The following ZNF407 variants were observed in gnomAD, a reference collection of about 807,000 sequenced individuals.
The protein encoded by ZNF407 is zinc finger protein 407.
A neutral mutation model predicts 131.2 loss-of-function variants in ZNF407; 17 were observed. The observed-to-expected ratio is 0.13, with a 90% CI of 0.09 to 0.19. ZNF407 has a LOEUF of 0.19. Ranked by LOEUF, ZNF407 falls within the 10% of genes least tolerant of loss-of-function variation. The pLI is 1.00. For missense variants in ZNF407, 2,681 were observed against 2,830.6 expected, an observed-to-expected ratio of 0.95 and a Z score of 1.20; for synonymous variants, 1,156 against 1,062.0, an observed-to-expected ratio of 1.09 and a Z score of -1.72.
At chr18:74,734,671 T>TG in intron 3 of ZNF407, among the ~76,000 whole-genome samples, 1 of 138,974 alleles carries the variant, frequency 7.2e-6, no homozygotes, top group African/African-American at 2.8e-5. Flanking sequence ...GAGTTTCAAT[T>TG]TGTGTGTGTG....
In ZNF407 at chr18:75,034,634, A is replaced by G. The variant is rs531377900; in HGVS notation, c.5429-28516A>G. ...TTTTTTTAAATCAGGCTTCATTGGT[A>G]GGATGTAGTGATTATTGTTTGTGGG... On this transcript the variant is annotated intron_variant, in intron 8 of 8. Coordinates refer to ENST00000299687, the MANE Select transcript of ZNF407 (RefSeq NM_017757.3). 4.0e-5 allele frequency among the ~76,000 whole-genome samples: 6 copies of G among 151,552 alleles called. No homozygotes were observed. The South Asian group carries it at 8.3e-4, about 21-fold the overall frequency.
chr18:74,685,413 T>C (rs1044576389), intron 3 of ZNF407, among the ~76,000 whole-genome samples: 1 of 152,188 alleles, frequency 6.6e-6, no homozygotes, highest in Non-Finnish European at 1.5e-5. Context: ...CTCCTATTAC[T>C]GATATAGGTC....
intron 1 of ZNF407, chr18:74,598,427 C>G (rs950829757): frequency 6.6e-6 from 1 of 152,312 alleles, no homozygotes; most frequent in Admixed American, 6.5e-5. Flanking sequence ...CTCGCGTGCC[C>G]GGGTTGCTCT....
intron 3 of ZNF407, among the ~76,000 whole-genome samples, chr18:74,716,132 A>G (rs1327457856): frequency 6.6e-6 from 1 of 152,236 alleles, no homozygotes; most frequent in Non-Finnish European, 1.5e-5. Flanking sequence ...TGCTGCTCCA[A>G]GCCCTTTTGG....
intron 1 of ZNF407, among the ~76,000 whole-genome samples, chr18:74,600,094 A>G (rs1450974814): frequency 6.6e-6 from 1 of 152,230 alleles, no homozygotes; most frequent in Non-Finnish European, 1.5e-5. Flanking sequence ...GCAAATGCGC[A>G]TTGGCAGTGC....
chr18:74,699,413 G>A (rs1967439937), intron 3 of ZNF407, among the ~76,000 whole-genome samples: 1 of 152,176 alleles, frequency 6.6e-6, no homozygotes, highest in Admixed American at 6.5e-5. Flanking sequence ...TCTGATAACT[G>A]AAGGGTACTT....
chr18:74,842,585 A>T (rs1182567673), intron 4 of ZNF407, among the ~76,000 whole-genome samples: 1 of 119,084 alleles, frequency 8.4e-6, no homozygotes, highest in African/African-American at 3.2e-5. Context: ...TGACCCTGGA[A>T]GTTTTTCCCT....
At chr18:74,902,552 A>G (rs1971541661) in intron 7 of ZNF407, among the ~76,000 whole-genome samples, 1 of 152,216 alleles carries the variant, frequency 6.6e-6, no homozygotes, top group South Asian at 2.1e-4. Context: ...AATGGGTTAC[A>G]TGGAGCATTT....
At chr18:74,917,560 C>G (rs1971790169) in intron 7 of ZNF407, among the ~76,000 whole-genome samples, 1 of 152,074 alleles carries the variant, frequency 6.6e-6, no homozygotes, top group Non-Finnish European at 1.5e-5. Flanking sequence ...TACGTCTTAC[C>G]TATTTCAGTA....
At position 74,675,887 on chromosome 18, in the gene ZNF407, C is replaced by T. The variant is rs751673692; in HGVS notation, c.4802+34765C>T. ...TCTGTAGACCTTTCAAACCTATAGA[C>T]GTTTAAAGCCTTCATTGTTGTTGTT... On this transcript the variant is annotated intron_variant, in intron 3 of 8. Coordinates refer to ENST00000299687, the MANE Select transcript of ZNF407 (RefSeq NM_017757.3). Among the ~76,000 whole-genome samples, 70 of 152,178 alleles carry T rather than the reference C, an allele frequency of 4.6e-4. 2 individuals carry two copies. The highest frequency in any genetic ancestry group is 6.2e-4 in the South Asian group (3 of 4,822).
intron 3 of ZNF407, among the ~76,000 whole-genome samples, chr18:74,662,040 ATT>A (rs80024495): frequency 2.2e-5 from 3 of 137,136 alleles, no homozygotes; most frequent in African/African-American, 2.7e-5. Context: ...TAAAGATGGG[ATT>A]TTTTTTTTTT....
chr18:74,685,364 T>C (rs977771447), intron 3 of ZNF407, among the ~76,000 whole-genome samples: 3 of 152,200 alleles, frequency 2.0e-5, no homozygotes, highest in African/African-American at 4.8e-5. Flanking sequence ...CTGCTCACCA[T>C]CTATCCTGGC....
At chr18:75,061,504 A>C (rs1294300588) in intron 8 of ZNF407, 1 of 152,288 alleles carries the variant, frequency 6.6e-6, no homozygotes. Context: ...GGAGGGTGTG[A>C]TGTGCGCCTG....
intron 4 of ZNF407, among the ~76,000 whole-genome samples, chr18:74,858,624 A>G (rs2628127): frequency 0.98 from 149,394 of 152,330 alleles, 73,333 homozygotes; most frequent in East Asian, 1. Flanking sequence ...AGGCTTGCAG[A>G]TCCTAGTGGA....
chr18:74,673,955 G>C (rs496277), intron 3 of ZNF407, among the ~76,000 whole-genome samples: 1 of 152,128 alleles, frequency 6.6e-6, no homozygotes, highest in Non-Finnish European at 1.5e-5. Context: ...ATGTATTCTA[G>C]AAAATATGTA....
intron 8 of ZNF407, among the ~76,000 whole-genome samples, chr18:75,058,108 C>G (rs1401740325): frequency 6.6e-6 from 1 of 152,190 alleles, no homozygotes; most frequent in Admixed American, 6.5e-5. Context: ...GCCCCTAGCA[C>G]AGTTTTGGGG....
intron 4 of ZNF407, among the ~76,000 whole-genome samples, chr18:74,825,653 CTG>C (rs1311972899): frequency 1.3e-5 from 2 of 152,086 alleles, no homozygotes; most frequent in Admixed American, 6.5e-5. Context: ...GGTTGTGGCT[CTG>C]TGTGTCTGCA....
chr18:74,627,570 G>GT (rs1983839578), intron 1 of ZNF407, among the ~76,000 whole-genome samples: 1 of 150,752 alleles, frequency 6.6e-6, no homozygotes, highest in East Asian at 2.0e-4. Flanking sequence ...GGCTCAAGTG[G>GT]TCTGCCCACC....
chr18:75,022,722 A>G (rs147939772), intron 8 of ZNF407, among the ~76,000 whole-genome samples: 213 of 152,236 alleles, frequency 1.4e-3, no homozygotes, highest in Middle Eastern at 3.4e-3. Context: ...GAACACTTAC[A>G]CTATTGGCAG....
Sources: allele counts gnomAD v4.1 joint callset (sites outside exome capture counted in the v4.1 genomes callset), GRCh38; gene constraint gnomAD v4.1.1; transcripts MANE v1.5; gene names NCBI Gene and HGNC (gene_info 2026-07-23, HGNC 2026-07-21).